AP1G1: variants seen among roughly 807,000 people sequenced by gnomAD.
AP1G1 encodes AP-1 complex subunit gamma-1.
In AP1G1, 7 loss-of-function variants were observed where a neutral mutation model predicts 108.3. That is an observed-to-expected ratio of 0.06 (90% confidence interval 0.04 to 0.12). The LOEUF (loss-of-function observed/expected upper bound fraction) is 0.12, where lower values mean the gene tolerates loss of function less well. AP1G1 is among the 10% of genes least tolerant of loss of function. AP1G1 has a pLI of 1.00. For synonymous variants in AP1G1, 379 were observed against 353.5 expected, an observed-to-expected ratio of 1.07 and a Z score of -0.81; for missense variants, 756 against 1,010.7, an observed-to-expected ratio of 0.75 and a Z score of 3.42.
intron 1 of AP1G1, among the ~76,000 whole-genome samples, chr16:71,796,383 G>A (rs900168883): frequency 2.0e-5 from 3 of 152,078 alleles, no homozygotes; most frequent in African/African-American, 7.2e-5. Context: ...AACTTTATAT[G>A]GTCTGTTTCA....
intron 1 of AP1G1, among the ~76,000 whole-genome samples, chr16:71,792,188 T>C (rs2032428478): frequency 1.3e-5 from 2 of 152,110 alleles, no homozygotes; most frequent in African/African-American, 4.8e-5. Context: ...GTTCTATTAA[T>C]CTGAACCATA....
rs1337393196 is a variant in AP1G1, at chr16:71,794,975, A to T, written c.-3-5493T>A. Among the ~76,000 whole-genome samples the T allele has an allele frequency of 2.0e-5, 3 of 150,720 alleles. No homozygotes were observed. The East Asian group carries it at 5.8e-4, about 29-fold the overall frequency. Reference sequence around the variant, plus strand: ...TAAGAATACAAACTTGATAAATACTATATTTATTAAATCCTAAATGCTAAA... The same window carrying T: ...TAAGAATACAAACTTGATAAATACTTTATTTATTAAATCCTAAATGCTAAA... On this transcript the variant is annotated intron_variant, in intron 1 of 22. Transcript: ENST00000299980.
chr16:71,749,260 T>C lies in AP1G1; in HGVS notation c.1497+634A>G, dbSNP rs142573915. Among the ~76,000 whole-genome samples, 192 of 151,956 alleles carry C rather than the reference T, an allele frequency of 1.3e-3. 4 individuals carry two copies. The East Asian group carries it at 0.03, about 24-fold the overall frequency. ...ACTTTGAGAGGCCAAGGCAGGCAGA[T>C]TGCTTGAGTCCAGAAGTTCAAGACC... On this transcript the variant is annotated intron_variant, in intron 15 of 22. Coordinates refer to ENST00000299980, the MANE Select transcript of AP1G1 (RefSeq NM_001128.6).
intron 22 of AP1G1, among the ~76,000 whole-genome samples, chr16:71,733,519 C>CAACCCCCGCCTCCCGGGTT (rs57362604): frequency 2.1e-4 from 32 of 151,820 alleles, no homozygotes; most frequent in Middle Eastern, 3.4e-3. Context: ...TGGCTCACCG[C>CAACCCCCGCCTCCCGGGTT]CACACCAGAC....
At chr16:71,802,013 G>A (rs942695746) in intron 1 of AP1G1, among the ~76,000 whole-genome samples, 5 of 151,414 alleles carry the variant, frequency 3.3e-5, no homozygotes, top group Non-Finnish European at 7.4e-5. Flanking sequence ...GTGGTGTAAC[G>A]CAAATATTCC....
intron 6 of AP1G1, among the ~76,000 whole-genome samples, chr16:71,768,384 C>T (rs1289320356): frequency 1.3e-5 from 2 of 150,234 alleles, no homozygotes; most frequent in East Asian, 3.9e-4. Context: ...GCCTGTAGTC[C>T]CAGCTACTCA....
At chr16:71,739,467 T>C (rs552051577) in intron 19 of AP1G1, 126 bp from the exon 20 acceptor site, 69 of 695,088 alleles carry the variant, frequency 9.9e-5, no homozygotes, top group African/African-American at 8.1e-4. Flanking sequence ...GCAAAAAGCA[T>C]AGACCACAAA....
intron 6 of AP1G1, among the ~76,000 whole-genome samples, chr16:71,767,202 C>T (rs2031352581): frequency 6.6e-6 from 1 of 152,152 alleles, no homozygotes; most frequent in Non-Finnish European, 1.5e-5. Context: ...TACCCTGGGA[C>T]ACAGAGCACA....
At position 71,804,204 on chromosome 16, in the gene AP1G1, G is replaced by T. The variant is rs1419132067; in HGVS notation, c.-4+4559C>A. On this transcript the variant is annotated intron_variant, in intron 1 of 22. Coordinates refer to ENST00000299980, the MANE Select transcript of AP1G1 (RefSeq NM_001128.6). ...TGGGACTACAGGCGCGCACCATCATGCCCAGCTAATTTTTCTATTTTTTTG... is the reference window on the plus strand; with the variant it reads ...TGGGACTACAGGCGCGCACCATCATTCCCAGCTAATTTTTCTATTTTTTTG... Among the ~76,000 whole-genome samples, 4 of 150,404 alleles carry T rather than the reference G, an allele frequency of 2.7e-5. No individual in the cohort carries two copies. In the East Asian group the frequency reaches 8.1e-4, roughly 31 times the overall value.
At chr16:71,748,485 T>TAG in intron 15 of AP1G1, 107 bp from the exon 16 acceptor site, 1 of 1,275,064 alleles carries the variant, frequency 7.8e-7, no homozygotes. Context: ...ATCCTACCGT[T>TAG]ACAAAAGCCT....
rs1227469311 is a variant in AP1G1 at position 71,764,461 on chromosome 16, A to T, written c.820-13T>A. The stretch of plus-strand genomic sequence containing the variant: ...TATTAGTGGCAACCTGAAAAGACAT[A>T]TCGAGGGCAGTACATAAGTGATAAA... On this transcript the variant is annotated splice_polypyrimidine_tract_variant and intron_variant, in intron 8 of 22. Transcript: ENST00000299980. 3 of 1,541,014 alleles carry T rather than the reference A, an allele frequency of 1.9e-6. No homozygotes were observed. Among genetic ancestry groups the T allele is most frequent in the Non-Finnish European group, 2.7e-6 (3 of 1,118,152 alleles).
intron 13 of AP1G1, among the ~76,000 whole-genome samples, chr16:71,752,928 A>G (rs1291230601): frequency 6.6e-6 from 1 of 152,114 alleles, no homozygotes; most frequent in African/African-American, 2.4e-5. Context: ...CAATTTTTCC[A>G]TTAGAGTGGT....
intron 1 of AP1G1, chr16:71,806,675 G>GGCA (rs2033008292): frequency 7.8e-7 from 1 of 1,282,824 alleles, no homozygotes; most frequent in Admixed American, 2.3e-5. Flanking sequence ...TAACTGCGAG[G>GGCA]GCATACTTAC....
chr16:71,762,183 T>A (rs957292292), intron 9 of AP1G1, among the ~76,000 whole-genome samples: 1 of 152,076 alleles, frequency 6.6e-6, no homozygotes, highest in Non-Finnish European at 1.5e-5. Context: ...ACGCAGCCAT[T>A]AAGACAGAAT....
At chr16:71,740,521 A>G (rs2045606109) in intron 19 of AP1G1, among the ~76,000 whole-genome samples, 1 of 152,250 alleles carries the variant, frequency 6.6e-6, no homozygotes, top group Non-Finnish European at 1.5e-5. Flanking sequence ...TTGATAATGA[A>G]TAAGTAAACT....
At chr16:71,733,204 T>C in intron 22 of AP1G1, 45 bp from the exon 23 acceptor site, 1 of 1,432,958 alleles carries the variant, frequency 7.0e-7, no homozygotes, top group Non-Finnish European at 9.8e-7. Context: ...TGAAATGAAA[T>C]CTCCAGAATC....
intron 17 of AP1G1, among the ~76,000 whole-genome samples, 160 bp from the exon 18 acceptor site, chr16:71,745,774 C>T (rs2030140942): frequency 6.6e-6 from 1 of 152,120 alleles, no homozygotes; most frequent in Admixed American, 6.5e-5. Flanking sequence ...AATACATGAC[C>T]TAAATTCCTG....
chr16:71,776,829 G>C (rs995943151), intron 2 of AP1G1, among the ~76,000 whole-genome samples: 2 of 151,978 alleles, frequency 1.3e-5, no homozygotes, highest in Non-Finnish European at 2.9e-5. Flanking sequence ...AAAAAGGCAG[G>C]CCAGGAGCAG....
intron 2 of AP1G1, among the ~76,000 whole-genome samples, chr16:71,781,619 G>A (rs948141370): frequency 2.6e-5 from 4 of 152,014 alleles, no homozygotes; most frequent in African/African-American, 7.3e-5. Context: ...CTGTATTCCC[G>A]CTCTTTTCAC....
Sources: allele counts gnomAD v4.1 joint callset (sites outside exome capture counted in the v4.1 genomes callset), GRCh38; gene constraint gnomAD v4.1.1; transcripts MANE v1.5; gene names NCBI Gene and HGNC (gene_info 2026-07-23, HGNC 2026-07-21).